The following FARS2 variants were observed in gnomAD, a reference collection of about 807,000 sequenced individuals.
FARS2 encodes phenylalanyl-tRNA synthetase 2, mitochondrial.
FARS2 carries 40 observed loss-of-function variants against 46.4 expected under a neutral mutation model. That is an observed-to-expected ratio of 0.86 (90% CI 0.67 to 1.12). The LOEUF (loss-of-function observed/expected upper bound fraction) is 1.12, where lower values mean the gene tolerates loss of function less well. FARS2 is among the 50% of genes most tolerant of loss of function. FARS2 has a pLI of 0.00. For missense variants in FARS2, 513 were observed against 567.9 expected (o/e 0.90, Z 0.98); for synonymous variants, 234 against 214.9 (o/e 1.09, Z -0.78).
At position 5,754,989 on chromosome 6, in the gene FARS2, C is replaced by G. The variant is rs1762133179; in HGVS notation, c.1218-16302C>G. Among the ~76,000 whole-genome samples, 4 of 152,078 alleles carry G rather than the reference C, an allele frequency of 2.6e-5. No homozygotes were observed. In the South Asian group the frequency reaches 8.3e-4, roughly 32 times the overall value. On this transcript the variant is annotated intron_variant, in intron 6 of 6. Coordinates refer to ENST00000274680, the MANE Select transcript of FARS2 (RefSeq NM_006567.5). Reference sequence around the variant, plus strand: ...TCTTTAGATATTGCCTCTCTTTGTTCTCTCTACATTTTTCTGATACTCATA... The same window carrying G: ...TCTTTAGATATTGCCTCTCTTTGTTGTCTCTACATTTTTCTGATACTCATA...
intron 6 of FARS2, among the ~76,000 whole-genome samples, chr6:5,665,744 C>T (rs1193170282): frequency 6.6e-6 from 1 of 152,122 alleles, no homozygotes; most frequent in Non-Finnish European, 1.5e-5. Flanking sequence ...CAACTAATTC[C>T]TTTGAGGTTT....
the FARS2 span, among the ~76,000 whole-genome samples, chr6:5,254,888 G>A: frequency 1.3e-5 from 2 of 152,036 alleles, no homozygotes; most frequent in Admixed American, 6.6e-5. Flanking sequence ...CCAAAATTCC[G>A]GTGGGAGGTG....
At chr6:5,548,371 C>T (rs1487912184) in intron 5 of FARS2, among the ~76,000 whole-genome samples, 1 of 152,168 alleles carries the variant, frequency 6.6e-6, no homozygotes, top group East Asian at 1.9e-4. Context: ...GCATCTTGAA[C>T]CTTTCTATGT....
intron 1 of FARS2, among the ~76,000 whole-genome samples, chr6:5,262,522 G>GC (rs1765246602): frequency 6.6e-6 from 1 of 152,000 alleles, no homozygotes; most frequent in Admixed American, 6.6e-5. Flanking sequence ...CAGGCAATCC[G>GC]CCCGCCTCGG....
At chr6:5,327,526 A>C (rs895155111) in intron 1 of FARS2, among the ~76,000 whole-genome samples, 4 of 152,104 alleles carry the variant, frequency 2.6e-5, no homozygotes, top group African/African-American at 9.7e-5. Context: ...GGTTTTATAA[A>C]AGGAAAGTTC....
the FARS2 span, among the ~76,000 whole-genome samples, chr6:5,251,839 C>A: frequency 6.6e-6 from 1 of 152,154 alleles, no homozygotes; most frequent in Non-Finnish European, 1.5e-5. Flanking sequence ...GAAAGAAATC[C>A]TTTGATGAGT....
intron 4 of FARS2, among the ~76,000 whole-genome samples, chr6:5,525,999 G>T (rs1401376124): frequency 1.3e-5 from 2 of 152,200 alleles, no homozygotes; most frequent in East Asian, 3.8e-4. Context: ...AAAGGTTGAA[G>T]AATATTTCTG....
chr6:5,439,372 G>T (rs1372494560), intron 4 of FARS2, among the ~76,000 whole-genome samples: 1 of 152,210 alleles, frequency 6.6e-6, no homozygotes, highest in Non-Finnish European at 1.5e-5. Flanking sequence ...ACACAGACAG[G>T]CTTCTCTTTG....
At chr6:5,475,885 C>T (rs1239355460) in intron 4 of FARS2, among the ~76,000 whole-genome samples, 6 of 152,144 alleles carry the variant, frequency 3.9e-5, no homozygotes, top group African/African-American at 1.4e-4. Context: ...CGTTGCTCCC[C>T]TGATGTTGTT....
intron 6 of FARS2, among the ~76,000 whole-genome samples, chr6:5,692,783 T>C (rs1757839425): frequency 6.6e-6 from 1 of 152,200 alleles, no homozygotes; most frequent in South Asian, 2.1e-4. Context: ...ATATGATGTG[T>C]GTGCGTCACT....
intron 5 of FARS2, among the ~76,000 whole-genome samples, chr6:5,585,259 A>C (rs2150589474): frequency 6.6e-6 from 1 of 152,312 alleles, no homozygotes; most frequent in East Asian, 1.9e-4. Flanking sequence ...TGATTACTAC[A>C]ATCAAATTAA....
intron 2 of FARS2, among the ~76,000 whole-genome samples, chr6:5,370,308 A>T (rs1312703270): frequency 6.6e-6 from 1 of 151,646 alleles, no homozygotes; most frequent in Non-Finnish European, 1.5e-5. Context: ...GTGATAATAC[A>T]GTAATAGCTT....
At chr6:5,283,718 T>C (rs1455149935) in intron 1 of FARS2, among the ~76,000 whole-genome samples, 1 of 152,186 alleles carries the variant, frequency 6.6e-6, no homozygotes, top group Non-Finnish European at 1.5e-5. Flanking sequence ...CAGGTACCAT[T>C]CACACTATTC....
At position 5,722,146 on chromosome 6, in the gene FARS2, G is replaced by A. The variant is rs866257837; in HGVS notation, c.1218-49145G>A. ...ATGCAGTGACTGCCAGTATAAGCTG[G>A]TGCCACTACCTTGATCCCAGCTAAG... On this transcript the variant is annotated intron_variant, in intron 6 of 6. Transcript: ENST00000274680. Among the ~76,000 whole-genome samples, 56 of 152,276 alleles carry A rather than the reference G, an allele frequency of 3.7e-4. 1 individual carries two copies. The highest frequency in any genetic ancestry group is 1.3e-3 in the African/African-American group (56 of 41,530).
At chr6:5,355,952 G>A (rs1438035000) in intron 1 of FARS2, among the ~76,000 whole-genome samples, 8 of 152,128 alleles carry the variant, frequency 5.3e-5, no homozygotes, top group Non-Finnish European at 1.0e-4. Context: ...CACTTGAGGC[G>A]CTTTCATGGG....
chr6:5,539,714 T>C (rs1031117543), intron 4 of FARS2, among the ~76,000 whole-genome samples: 2 of 152,152 alleles, frequency 1.3e-5, no homozygotes, highest in African/African-American at 4.8e-5. Flanking sequence ...TTAAGACTCA[T>C]TGATGTTAAG....
At chr6:5,768,248 C>G (rs959556073) in intron 6 of FARS2, among the ~76,000 whole-genome samples, 1 of 152,202 alleles carries the variant, frequency 6.6e-6, no homozygotes. Context: ...ACCAAACAAA[C>G]ATTCTGCTAA....
At chr6:5,738,696 T>G (rs532390757) in intron 6 of FARS2, among the ~76,000 whole-genome samples, 18 of 152,144 alleles carry the variant, frequency 1.2e-4, no homozygotes, top group African/African-American at 4.3e-4. Context: ...GCAAGAAGAG[T>G]TGGTTACGAG....
At chr6:5,406,162 G>A (rs1028591474) in intron 3 of FARS2, among the ~76,000 whole-genome samples, 2 of 152,154 alleles carry the variant, frequency 1.3e-5, no homozygotes, top group Non-Finnish European at 2.9e-5. Context: ...ATGACCTACT[G>A]TGGTTAGGAT....
Sources: allele counts gnomAD v4.1 joint callset (sites outside exome capture counted in the v4.1 genomes callset), GRCh38; gene constraint gnomAD v4.1.1; transcripts MANE v1.5; gene names NCBI Gene and HGNC (gene_info 2026-07-23, HGNC 2026-07-21).